Variants in POLD3 observed in about 807,000 individuals in gnomAD.
POLD3 encodes the protein DNA polymerase delta subunit 3.
In POLD3, 19 loss-of-function variants were observed where a neutral mutation model predicts 58.2. The observed-to-expected ratio is 0.33, with a 90% CI of 0.23 to 0.48. The LOEUF is 0.48. Among genes scored for constraint, POLD3 ranks in the 20% least tolerant of loss-of-function variants. POLD3 has a pLI of 0.99. For missense variants in POLD3, 504 were observed against 545.5 expected (o/e 0.92, Z 0.76); for synonymous variants, 172 against 193.5 (o/e 0.89, Z 0.92).
intron 9 of POLD3, among the ~76,000 whole-genome samples, chr11:74,629,569 A>G (rs1230637740): frequency 2.7e-5 from 4 of 150,456 alleles, no homozygotes; most frequent in Admixed American, 1.3e-4. Context: ...ATTATCTAAG[A>G]CTTTTTCTTT....
At chr11:74,621,782 C>T (rs12280434) in intron 7 of POLD3, among the ~76,000 whole-genome samples, 19,815 of 151,942 alleles carry the variant, frequency 0.13, 1,674 homozygotes, top group African/African-American at 0.24. Context: ...CTCGGGAGAC[C>T]GAGGCAGGAG....
chr11:74,634,260 G>A (rs1399084878), intron 9 of POLD3, among the ~76,000 whole-genome samples: 3 of 152,152 alleles, frequency 2.0e-5, no homozygotes, highest in African/African-American at 7.2e-5. Flanking sequence ...GTTGTTGTAA[G>A]AATAAAGTGA....
rs1054819050 is a variant in POLD3, at chr11:74,594,262, C to T, written c.116+146C>T. ...ATTGGTATTTCTTGGCTTGTAGCTGCGTAATTCCAATCTCTGCCTTCATTG... is the reference window on the plus strand; with the variant it reads ...ATTGGTATTTCTTGGCTTGTAGCTGTGTAATTCCAATCTCTGCCTTCATTG... On this transcript the variant is annotated intron_variant, in intron 2 of 11. Coordinates refer to ENST00000263681, the MANE Select transcript of POLD3 (RefSeq NM_006591.3). 7.2e-5 allele frequency: 44 copies of T among 609,732 alleles called. No homozygotes were observed. The African/African-American group carries it at 7.4e-4, about 10-fold the overall frequency. 37.8% of individuals were successfully genotyped at this position (609,732 alleles called of 1,614,324 possible). A position where few individuals can be genotyped will look rare whatever the true frequency, so the allele number is the denominator to read the frequency against.
chr11:74,658,600 G>C (rs1053462362), intron 4 of POLD3, among the ~76,000 whole-genome samples: 7 of 152,296 alleles, frequency 4.6e-5, no homozygotes, highest in African/African-American at 1.4e-4. Flanking sequence ...ATACAGTGGG[G>C]ATACAGGTAT....
At chr11:74,614,433 G>A (rs1280662) in intron 5 of POLD3, among the ~76,000 whole-genome samples, 1 of 152,118 alleles carries the variant, frequency 6.6e-6, no homozygotes. Flanking sequence ...CAGTTTGGCC[G>A]GGCACAGTGG....
At chr11:74,640,526 C>G in intron 11 of POLD3, 38 bp from the exon 12 acceptor site, 1 of 1,462,806 alleles carries the variant, frequency 6.8e-7, no homozygotes, top group South Asian at 1.6e-5. Flanking sequence ...GTAAATGATT[C>G]AGCCCACCCA....
intron 4 of POLD3, among the ~76,000 whole-genome samples, chr11:74,665,835 A>T (rs1346343461): frequency 1.3e-5 from 2 of 152,222 alleles, no homozygotes; most frequent in Non-Finnish European, 2.9e-5. Flanking sequence ...TACCCTTAGG[A>T]TCAAAAATAA....
intron 9 of POLD3, among the ~76,000 whole-genome samples, chr11:74,630,312 C>A (rs922986351): frequency 6.6e-6 from 1 of 151,838 alleles, no homozygotes; most frequent in African/African-American, 2.4e-5. Flanking sequence ...ATTAGCTCAA[C>A]TATACAAGTG....
chr11:74,644,886 T>C (rs1431262163), downstream of POLD3, among the ~76,000 whole-genome samples: 1 of 152,236 alleles, frequency 6.6e-6, no homozygotes, highest in Admixed American at 6.5e-5. Context: ...TCATGGCATG[T>C]CTTTTACCGG....
chr11:74,661,463 G>A (rs189819375), intron 4 of POLD3, among the ~76,000 whole-genome samples: 6 of 152,320 alleles, frequency 3.9e-5, no homozygotes, highest in Admixed American at 2.6e-4. Flanking sequence ...TAGAGTCTTC[G>A]GTGGTCTTAG....
intron 2 of POLD3, among the ~76,000 whole-genome samples, chr11:74,602,705 C>T (rs898565087): frequency 1.3e-5 from 2 of 152,218 alleles, no homozygotes; most frequent in African/African-American, 4.8e-5. Context: ...ATTACCTCTG[C>T]TCTCAACTTT....
chr11:74,657,482 C>T (rs1038894721), intron 4 of POLD3, among the ~76,000 whole-genome samples: 2 of 151,718 alleles, frequency 1.3e-5, no homozygotes, highest in Non-Finnish European at 2.9e-5. Flanking sequence ...TCTTATGACT[C>T]ATTATTTTAA....
At chr11:74,636,454 C>CA (rs1415756369) in intron 11 of POLD3, among the ~76,000 whole-genome samples, 179 bp downstream of exon 11, 7 of 152,180 alleles carry the variant, frequency 4.6e-5, no homozygotes, top group Admixed American at 1.3e-4. Context: ...TAAGTCAGAA[C>CA]ACCTAGGTTC....
intron 2 of POLD3, among the ~76,000 whole-genome samples, chr11:74,596,324 C>G (rs547255911): frequency 6.6e-6 from 1 of 151,680 alleles, no homozygotes; most frequent in Non-Finnish European, 1.5e-5. Flanking sequence ...GCTGGGACTA[C>G]AGGCATGTGC....
chr11:74,624,619 A>G (rs2032375619), intron 7 of POLD3, among the ~76,000 whole-genome samples: 1 of 152,244 alleles, frequency 6.6e-6, no homozygotes. Context: ...CACTAAGTAC[A>G]GCGTGAAGGC....
At chr11:74,664,665 T>C (rs1411522116) in intron 4 of POLD3, among the ~76,000 whole-genome samples, 1 of 152,052 alleles carries the variant, frequency 6.6e-6, no homozygotes, top group East Asian at 1.9e-4. Flanking sequence ...ATGAATCCAG[T>C]GACATATAAA....
chr11:74,663,870 A>G (rs887449815), intron 4 of POLD3, among the ~76,000 whole-genome samples: 4 of 152,158 alleles, frequency 2.6e-5, no homozygotes, highest in African/African-American at 9.7e-5. Context: ...CTATCTCTCT[A>G]TGTCTATATA....
chr11:74,642,692 T>C lies in POLD3; in HGVS notation c.*1926T>C, dbSNP rs2032945769. 6.1e-6 allele frequency: 6 copies of C among 981,726 alleles called. No homozygotes were observed. Among genetic ancestry groups the C allele is most frequent in the Middle Eastern group, 1.0e-3 (2 of 1,908 alleles). 60.8% of individuals were successfully genotyped at this position (981,726 alleles called of 1,614,324 possible). On this transcript the variant is annotated 3_prime_UTR_variant, in exon 12 of 12. Coordinates refer to ENST00000263681, the MANE Select transcript of POLD3 (RefSeq NM_006591.3). The stretch of plus-strand genomic sequence containing the variant: ...TTTATACAATACCATGTTAACCACA[T>C]GAGTTAAATAAATTTGAGAAGTTGT...
At chr11:74,624,841 T>C (rs909675066) in intron 7 of POLD3, among the ~76,000 whole-genome samples, 1 of 152,224 alleles carries the variant, frequency 6.6e-6, no homozygotes, top group Non-Finnish European at 1.5e-5. Flanking sequence ...TTAATCCTTA[T>C]GATAATCTTG....
Sources: gnomAD v4.1 joint callset for allele counts (sites outside exome capture counted in the v4.1 genomes callset) on GRCh38, gnomAD v4.1.1 for gene constraint, MANE v1.5 for transcripts, NCBI Gene and HGNC (gene_info 2026-07-23, HGNC 2026-07-21) for gene names.